The following AJM1 variants were observed in gnomAD, a reference collection of about 807,000 sequenced individuals.
The protein encoded by AJM1 is apical junction component 1 homolog, also known as uncharacterized protein C9orf172.
A neutral mutation model predicts 43.0 loss-of-function variants in AJM1; 22 were observed. The observed-to-expected ratio is 0.51, with a 90% CI of 0.37 to 0.73. The LOEUF is 0.73. AJM1 is among the 30% of genes least tolerant of loss of function. AJM1 has a pLI of 0.00. For synonymous variants in AJM1, 719 were observed against 638.3 expected (o/e 1.13, Z -1.91); for missense variants, 1,305 against 1,343.3 (o/e 0.97, Z 0.45).
Position 136,845,260 on chromosome 9 carries a change from C to T in AJM1, c.846C>T (p.Phe282=), listed in dbSNP as rs530462305. ...CCCCGCCGGGCCCCACCCAGTTCTT[C>T]TATACAGAGGAGCCCCAAGGCTTCC... ...FTTPPGPTQF[F]YTEEPQGFRG... The change falls in exon 3 of 3, where the codon TTC becomes TTT. Residue 282 remains phenylalanine (F), a synonymous_variant. Coordinates refer to ENST00000436881, the MANE Select transcript of AJM1 (RefSeq NM_001080482.5). 1.1e-4 allele frequency: 169 copies of T among 1,605,958 alleles called. No homozygotes were observed. The Admixed American group carries it at 2.7e-3, about 25-fold the overall frequency.
In AJM1 at chr9:136,847,171, C is replaced by T; in HGVS notation, c.2757C>T (p.Arg919=). ...RGVFLRHEFP[R]VYEQLCEFVE... is the part of the protein sequence containing the mutation. ...TCTTCCTGCGCCACGAGTTCCCGCG[C>T]GTCTACGAGCAGCTTTGCGAGTTCG... The change falls in exon 3 of 3, where the codon CGC becomes CGT. Residue 919 remains arginine, a synonymous_variant. Transcript: ENST00000436881. 6.2e-7 allele frequency: 1 copy of T among 1,603,050 alleles called. No homozygotes were observed. Among genetic ancestry groups the T allele is most frequent in the East Asian group, 2.2e-5 (1 of 44,598 alleles).
At position 136,844,724 on chromosome 9, in the gene AJM1, A is replaced by ACGCCCG; in HGVS notation, c.318_323dup (p.Pro107_Ala108dup). On this transcript the variant is annotated inframe_insertion, in exon 3 of 3. Coordinates refer to ENST00000436881, the MANE Select transcript of AJM1 (RefSeq NM_001080482.5). ...TGCGCCCCGCGCGCCCCCGGGCCTG[A>ACGCCCG]CGCCCGCGCCCGCCTCGCCGCCGGT... The ACGCCCG allele has an allele frequency of 2.5e-6, 2 of 785,560 alleles. No individual in the cohort carries two copies. The highest frequency in any genetic ancestry group is 1.6e-6 in the Non-Finnish European group (1 of 619,686). The allele number at this position is 785,560 out of a possible 1,614,324, so 48.7% of individuals were successfully genotyped here.
At position 136,844,607 on chromosome 9, in the gene AJM1, G is replaced by C. The variant is rs1406187632; in HGVS notation, c.193G>C (p.Glu65Gln). Residue 65 changes from glutamate (E) to glutamine (Q), a missense_variant, in exon 3 of 3, where the codon GAG becomes CAG. Glu to Gln is a conservative substitution (Grantham distance 29). Around this residue, in one of 6 missense-constraint regions of AJM1, gnomAD observed 128 missense variants for 120.6 expected, o/e 1.06. Transcript: ENST00000436881. ...GGAGGCGCTGGACGGGCCGGCCATG[G>C]AGACCCTGCCGGAGCCACCGCCGCC... ...FLEALDGPAMETLPEPPPPES... is the reference protein window; with the variant it reads ...FLEALDGPAMQTLPEPPPPES... 1 of 1,574,308 alleles carries C rather than the reference G, an allele frequency of 6.4e-7. No homozygotes were observed. Among genetic ancestry groups the C allele is most frequent in the Non-Finnish European group, 8.6e-7 (1 of 1,162,472 alleles).
Position 136,845,529 on chromosome 9 carries a change from G to T in AJM1, c.1115G>T (p.Arg372Leu), listed in dbSNP as rs1238015889. ...GAGCCCCGGGCCCACTCCACCGCCC[G>T]CCCCTTTTACACGGAGGACTTCGGA... ...PEEPRAHSTA[R>L]PFYTEDFGRY... is the part of the protein sequence containing the mutation. The change falls in exon 3 of 3, where the codon CGC (arginine) becomes CTC (leucine). Residue 372 changes from arginine (R) to leucine (L), a missense_variant. This residue lies in a region of AJM1 where 653 missense variants were observed against 549.1 expected (regional missense o/e 1.19). Coordinates refer to ENST00000436881, the MANE Select transcript of AJM1 (RefSeq NM_001080482.5). 2.5e-6 allele frequency: 4 copies of T among 1,596,930 alleles called. No individual in the cohort carries two copies. Among genetic ancestry groups the T allele is most frequent in the Non-Finnish European group, 3.4e-6 (4 of 1,172,906 alleles).
At position 136,846,986 on chromosome 9, in the gene AJM1, G is replaced by T. The variant is rs1243616462; in HGVS notation, c.2572G>T (p.Ala858Ser). ...GGTAGCGCTGGCGGCCGGCAGCCCCGCGCGGCCGCCCCCGGCGCGGAGCCG... is the reference window on the plus strand; with the variant it reads ...GGTAGCGCTGGCGGCCGGCAGCCCCTCGCGGCCGCCCCCGGCGCGGAGCCG... The part of the protein sequence containing the change: ...AKVALAAGSP[A>S]RPPPARSREP... The change falls in exon 3 of 3, where the codon GCG (alanine) becomes TCG (serine). Residue 858 changes from alanine (A) to serine (S), a missense_variant. Transcript: ENST00000436881. The T allele has an allele frequency of 4.1e-6, 5 of 1,230,496 alleles. No individual in the cohort carries two copies. The highest frequency in any genetic ancestry group is 5.3e-6 in the Non-Finnish European group (5 of 938,320). 76.2% of individuals were successfully genotyped at this position (1,230,496 alleles called of 1,614,324 possible).
intron 1 of AJM1, among the ~76,000 whole-genome samples, 198 bp downstream of exon 1, chr9:136,842,787 C>G (rs1162669530): frequency 6.6e-6 from 1 of 152,126 alleles, no homozygotes; most frequent in Non-Finnish European, 1.5e-5. Flanking sequence ...TCTCCGTGGG[C>G]TCCAGAAGGC....
intron 1 of AJM1, among the ~76,000 whole-genome samples, chr9:136,843,006 A>T (rs1310568516): frequency 1.5e-5 from 1 of 66,032 alleles, no homozygotes; most frequent in African/African-American, 5.8e-5. Flanking sequence ...GAGGGGGGAG[A>T]TGGGGGGGTG....
At position 136,846,271 on chromosome 9, in the gene AJM1, G is replaced by A; in HGVS notation, c.1857G>A (p.Ala619=). The A allele has an allele frequency of 8.0e-7, 1 of 1,253,178 alleles. No individual in the cohort carries two copies. Among genetic ancestry groups the A allele is most frequent in the Non-Finnish European group, 1.0e-6 (1 of 987,978 alleles). 77.6% of individuals were successfully genotyped at this position (1,253,178 alleles called of 1,614,324 possible). ...GCCGACTGCTGGACTCGCGGCCCGC[G>A]GGCTCCGGGGCCCCCGCGCTGGCGC... is the stretch of plus-strand genomic sequence containing the variant. ...QLRRLLDSRP[A]GSGAPALAPP... Residue 619 remains alanine, a synonymous_variant, in exon 3 of 3, where the codon GCG becomes GCA. Coordinates refer to ENST00000436881, the MANE Select transcript of AJM1 (RefSeq NM_001080482.5).
rs1425349824 is a variant in AJM1, at chr9:136,846,094, A to G, written c.1680A>G (p.Pro560=). 3 of 1,527,628 alleles carry G rather than the reference A, an allele frequency of 2.0e-6. No individual in the cohort carries two copies. The highest frequency in any genetic ancestry group is 2.8e-5 in the African/African-American group (2 of 71,198). The allele number at this position is 1,527,628 out of a possible 1,614,324, so 94.6% of individuals were successfully genotyped here. ...AWELPGGRTR[P]PPHAAPDGPT... ...AGTTGCCCGGGGGCCGCACGCGGCC[A>G]CCTCCCCACGCGGCCCCCGACGGCC... The change falls in exon 3 of 3, where the codon CCA becomes CCG. Residue 560 remains proline (P), a synonymous_variant. Transcript: ENST00000436881.
Position 136,846,042 on chromosome 9 carries a change from C to A in AJM1, c.1628C>A (p.Thr543Asn), listed in dbSNP as rs1310663259. The A allele has an allele frequency of 4.5e-6, 7 of 1,541,160 alleles. No individual in the cohort carries two copies. Among genetic ancestry groups the A allele is most frequent in the South Asian group, 1.2e-5 (1 of 83,818 alleles). ...ATCACTGACAATGACCTGCGCGCCA[C>A]CGAGCGCCCGAGCGCCAGGGCCTGG... ...ITITDNDLRA[T>N]ERPSARAWEL... The change falls in exon 3 of 3, where the codon ACC becomes AAC. Residue 543 changes from threonine (T) to asparagine (N), a missense_variant. By Grantham distance (65) the Thr-to-Asn change is moderately conservative. Transcript: ENST00000436881.
In AJM1 at chr9:136,847,317, G is replaced by C. The variant is rs780008253; in HGVS notation, c.2903G>C (p.Ser968Thr). 2 of 1,532,320 alleles carry C rather than the reference G, an allele frequency of 1.3e-6. No individual in the cohort carries two copies. Among genetic ancestry groups the C allele is most frequent in the Admixed American group, 2.0e-5 (1 of 50,816 alleles). The allele number at this position is 1,532,320 out of a possible 1,614,324, so 94.9% of individuals were successfully genotyped here. Reference protein sequence around the residue: ...SEPRALDWVASANLLDDIM With the variant: ...SEPRALDWVATANLLDDIM Reference sequence around the variant, plus strand: ...CCGCGCGCGCTCGACTGGGTGGCCAGCGCCAACCTGCTGGACGACATCATG... The same window carrying C: ...CCGCGCGCGCTCGACTGGGTGGCCACCGCCAACCTGCTGGACGACATCATG... The change falls in exon 3 of 3, where the codon AGC becomes ACC. Residue 968 changes from serine to threonine, a missense_variant. This residue lies in a region of AJM1 where 116 missense variants were observed against 113.4 expected (regional missense o/e 1.02). Coordinates refer to ENST00000436881, the MANE Select transcript of AJM1 (RefSeq NM_001080482.5).
chr9:136,843,305 G>C (rs1409661747), intron 1 of AJM1, among the ~76,000 whole-genome samples: 1 of 152,244 alleles, frequency 6.6e-6, no homozygotes, highest in Non-Finnish European at 1.5e-5. Flanking sequence ...ATCACAGAGG[G>C]GTTGGCAGCC....
At position 136,848,472 on chromosome 9, in the gene AJM1, G is replaced by C. The variant is rs546107895; in HGVS notation, c.*1127G>C. On this transcript the variant is annotated 3_prime_UTR_variant, in exon 3 of 3. Transcript: ENST00000436881. ...CGCGCCCAGAGCTCTCTGGAGGGTG[G>C]GGTATGCGGGAGAGGGGTGGAGGCC... is the stretch of plus-strand genomic sequence containing the variant. 1 of 152,466 alleles carries C rather than the reference G, an allele frequency of 6.6e-6. No individual in the cohort carries two copies. The highest frequency in any genetic ancestry group is 1.5e-5 in the Non-Finnish European group (1 of 68,096). 9.4% of individuals were successfully genotyped at this position (152,466 alleles called of 1,614,324 possible). A position where few individuals can be genotyped will look rare whatever the true frequency, so the allele number is the denominator to read the frequency against.
At position 136,845,373 on chromosome 9, in the gene AJM1, C is replaced by T. The variant is rs771419371; in HGVS notation, c.959C>T (p.Pro320Leu). ...YPSEELSGPSPRRMGGYYAGE... is the reference protein window; with the variant it reads ...YPSEELSGPSLRRMGGYYAGE... ...TCCGAGGAGCTCTCGGGGCCCAGTCCAAGGCGCATGGGCGGCTACTACGCA... is the reference window on the plus strand; with the variant it reads ...TCCGAGGAGCTCTCGGGGCCCAGTCTAAGGCGCATGGGCGGCTACTACGCA... The change falls in exon 3 of 3, where the codon CCA becomes CTA. Residue 320 changes from proline to leucine, a missense_variant. Pro to Leu is a moderately conservative substitution (Grantham distance 98, BLOSUM62 -3). Around this residue, in one of 6 missense-constraint regions of AJM1, gnomAD observed 653 missense variants for 549.1 expected, o/e 1.19. Transcript: ENST00000436881. The T allele has an allele frequency of 5.0e-6, 8 of 1,612,330 alleles. No individual in the cohort carries two copies. The African/African-American group carries it at 8.0e-5, about 16-fold the overall frequency.
rs1848785707 is a variant in AJM1 at position 136,846,991 on chromosome 9, G to C, written c.2577G>C (p.Arg859=). Residue 859 remains arginine (R), a synonymous_variant, in exon 3 of 3, where the codon CGG becomes CGC. Coordinates refer to ENST00000436881, the MANE Select transcript of AJM1 (RefSeq NM_001080482.5). ...KVALAAGSPA[R]PPPARSREPD... is the part of the protein sequence containing the mutation. Reference sequence around the variant, plus strand: ...CGCTGGCGGCCGGCAGCCCCGCGCGGCCGCCCCCGGCGCGGAGCCGCGAGC... The same window carrying C: ...CGCTGGCGGCCGGCAGCCCCGCGCGCCCGCCCCCGGCGCGGAGCCGCGAGC... 1 of 1,223,602 alleles carries C rather than the reference G, an allele frequency of 8.2e-7. No homozygotes were observed. Among genetic ancestry groups the C allele is most frequent in the Non-Finnish European group, 1.1e-6 (1 of 932,354 alleles). 75.8% of individuals were successfully genotyped at this position (1,223,602 alleles called of 1,614,324 possible). A position where few individuals can be genotyped will look rare whatever the true frequency, so the allele number is the denominator to read the frequency against.
Position 136,847,141 on chromosome 9 carries a change from C to G in AJM1, c.2727C>G (p.Arg909=). Residue 909 remains arginine, a synonymous_variant, in exon 3 of 3, where the codon CGC becomes CGG. Transcript: ENST00000436881. ...FIHIQRELRL[R]GVFLRHEFPR... ...ACATCCAGCGCGAGCTGCGGCTGCG[C>G]GGCGTCTTCCTGCGCCACGAGTTCC... 1 of 1,596,640 alleles carries G rather than the reference C, an allele frequency of 6.3e-7. No homozygotes were observed. Among genetic ancestry groups the G allele is most frequent in the Non-Finnish European group, 8.5e-7 (1 of 1,177,548 alleles).
chr9:136,846,328 C>T lies in AJM1; in HGVS notation c.1914C>T (p.Ser638=). The change falls in exon 3 of 3, where the codon AGC becomes AGT. Residue 638 remains serine (S), a synonymous_variant. Coordinates refer to ENST00000436881, the MANE Select transcript of AJM1 (RefSeq NM_001080482.5). ...PPRSPPASAG[S]AEEPAAPGEA... ...GCTCGCCCCCCGCCTCGGCCGGCAGCGCCGAGGAGCCCGCGGCCCCGGGAG... is the reference window on the plus strand; with the variant it reads ...GCTCGCCCCCCGCCTCGGCCGGCAGTGCCGAGGAGCCCGCGGCCCCGGGAG... 2 of 1,259,340 alleles carry T rather than the reference C, an allele frequency of 1.6e-6. No homozygotes were observed. Among genetic ancestry groups the T allele is most frequent in the African/African-American group, 3.1e-5 (2 of 63,786 alleles). The allele number at this position is 1,259,340 out of a possible 1,614,324, so 78.0% of individuals were successfully genotyped here. A position where few individuals can be genotyped will look rare whatever the true frequency, so the allele number is the denominator to read the frequency against.
Position 136,846,172 on chromosome 9 carries a change from C to T in AJM1, c.1758C>T (p.Asp586=). The T allele has an allele frequency of 6.6e-7, 1 of 1,522,474 alleles. No homozygotes were observed. The highest frequency in any genetic ancestry group is 1.2e-5 in the South Asian group (1 of 82,602). The allele number at this position is 1,522,474 out of a possible 1,614,324, so 94.3% of individuals were successfully genotyped here. A position where few individuals can be genotyped will look rare whatever the true frequency, so the allele number is the denominator to read the frequency against. The change falls in exon 3 of 3, where the codon GAC becomes GAT. Residue 586 remains aspartate (D), a synonymous_variant. Coordinates refer to ENST00000436881, the MANE Select transcript of AJM1 (RefSeq NM_001080482.5). The part of the protein sequence containing the change: ...SLEQLDELIT[D]LVIDSRPTAG... ...AGCAGCTGGACGAGCTCATCACGGA[C>T]CTGGTCATCGACTCGCGACCCACCG...
Position 136,844,527 on chromosome 9 carries a change from G to C in AJM1, c.113G>C (p.Arg38Pro). The part of the protein sequence containing the change: ...KCSPCERSVA[R>P]PAEPAPFNKR... ...TCGCCATGTGAGCGATCCGTGGCCC[G>C]GCCTGCTGAGCCCGCGCCTTTCAAC... is the stretch of plus-strand genomic sequence containing the variant. Residue 38 changes from arginine to proline, a missense_variant, in exon 3 of 3, where the codon CGG becomes CCG. This residue lies in a region of AJM1 where 128 missense variants were observed against 120.6 expected (regional missense o/e 1.06). Transcript: ENST00000436881. The C allele has an allele frequency of 6.2e-7, 1 of 1,607,686 alleles. No homozygotes were observed. The highest frequency in any genetic ancestry group is 1.7e-5 in the Admixed American group (1 of 59,702).
Sources: allele counts gnomAD v4.1 joint callset (sites outside exome capture counted in the v4.1 genomes callset), GRCh38; gene constraint gnomAD v4.1.1; regional missense constraint gnomAD v4.1.1; transcripts MANE v1.5; gene names NCBI Gene and HGNC (gene_info 2026-07-23, HGNC 2026-07-21).